Variants in PHACTR1 observed in about 807,000 individuals in gnomAD.
The protein encoded by PHACTR1 is phosphatase and actin regulator 1, also known as RPEL repeat containing 1.
Under a neutral mutation model 69.2 loss-of-function variants are expected in PHACTR1, and 16 were observed. The ratio of observed to expected loss-of-function variants is 0.23; its 90% CI spans 0.16 to 0.35. PHACTR1 has a LOEUF of 0.35. Ranked by LOEUF, PHACTR1 falls within the 10% of genes least tolerant of loss-of-function variation. The pLI is 1.00. For missense variants in PHACTR1, 510 were observed against 734.7 expected, an observed-to-expected ratio of 0.69 and a Z score of 3.54; for synonymous variants, 312 against 284.5, an observed-to-expected ratio of 1.10 and a Z score of -0.97.
In PHACTR1 at chr6:13,227,841, A is replaced by G; in HGVS notation, c.1012A>G (p.Thr338Ala). ...CTCTGAGCAGCGGGTCCCCTGTTCCACTTCTTACCACAGCTCTGGGTTGCA... is the reference window on the plus strand; with the variant it reads ...CTCTGAGCAGCGGGTCCCCTGTTCCGCTTCTTACCACAGCTCTGGGTTGCA... ...ESSEQRVPCS[T>A]SYHSSGLHSG... The change falls in exon 9 of 15, where the codon ACT becomes GCT. Residue 338 changes from threonine (T) to alanine (A), a missense_variant. Transcript: ENST00000332995. 1.9e-6 allele frequency: 3 copies of G among 1,613,938 alleles called. No individual in the cohort carries two copies. Among genetic ancestry groups the G allele is most frequent in the Non-Finnish European group, 2.5e-6 (3 of 1,179,852 alleles).
At chr6:12,954,476 C>T (rs1791647112) in intron 4 of PHACTR1, among the ~76,000 whole-genome samples, 1 of 151,864 alleles carries the variant, frequency 6.6e-6, no homozygotes, top group South Asian at 2.1e-4. Context: ...GGCTGAGGCC[C>T]TGCCACTTGA....
At position 12,851,326 on chromosome 6, in the gene PHACTR1, C is replaced by T. The variant is rs9369610; in HGVS notation, c.250+101536C>T. Among the ~76,000 whole-genome samples, 1,196 of 152,270 alleles carry T rather than the reference C, an allele frequency of 7.9e-3. 51 individuals carry two copies. In the East Asian group the frequency reaches 0.12, roughly 16 times the overall value. On this transcript the variant is annotated intron_variant, in intron 4 of 14. Transcript: ENST00000332995. ...CACAGGCGAACATTTAAATAACAAT[C>T]TGGGACATTAATAAGGGAATGCAAG... is the stretch of plus-strand genomic sequence containing the variant.
chr6:12,871,070 C>T (rs1007323343), intron 4 of PHACTR1, among the ~76,000 whole-genome samples: 1 of 151,924 alleles, frequency 6.6e-6, no homozygotes, highest in African/African-American at 2.4e-5. Context: ...TGGAAAGACC[C>T]AAATCTAATC....
chr6:13,127,599 C>T (rs184861661), intron 5 of PHACTR1, among the ~76,000 whole-genome samples: 6 of 152,182 alleles, frequency 3.9e-5, no homozygotes, highest in Admixed American at 1.3e-4. Context: ...GAAGGAAGGT[C>T]ACCAATGGTC....
chr6:13,022,616 C>T (rs544481697), intron 4 of PHACTR1, among the ~76,000 whole-genome samples: 1 of 151,556 alleles, frequency 6.6e-6, no homozygotes, highest in South Asian at 2.1e-4. Context: ...GTCACAGAGA[C>T]TAAGTTGTCA....
chr6:13,221,019 G>C (rs146563381), intron 8 of PHACTR1, among the ~76,000 whole-genome samples: 11 of 152,312 alleles, frequency 7.2e-5, no homozygotes, highest in African/African-American at 2.6e-4. Flanking sequence ...AGAGGCTATG[G>C]ATGTGCAGAG....
chr6:12,793,699 G>C (rs913482983), intron 4 of PHACTR1, among the ~76,000 whole-genome samples: 2 of 152,170 alleles, frequency 1.3e-5, no homozygotes, highest in Non-Finnish European at 2.9e-5. Flanking sequence ...AATTAGTGGT[G>C]TTTTAACCAT....
intron 4 of PHACTR1, among the ~76,000 whole-genome samples, chr6:12,836,079 A>G (rs926973434): frequency 6.6e-6 from 1 of 152,144 alleles, no homozygotes; most frequent in East Asian, 1.9e-4. Context: ...AATGGTTGCA[A>G]TGCTTTTGAA....
At chr6:12,747,179 A>G (rs556406615) in intron 3 of PHACTR1, among the ~76,000 whole-genome samples, 1 of 152,310 alleles carries the variant, frequency 6.6e-6, no homozygotes, top group East Asian at 1.9e-4. Context: ...AAGGTGGCTA[A>G]TCAGTCAAAT....
chr6:13,239,995 C>G (rs192626162), intron 10 of PHACTR1, among the ~76,000 whole-genome samples: 4 of 151,898 alleles, frequency 2.6e-5, no homozygotes, highest in Admixed American at 1.3e-4. Context: ...AAAGAGCTGC[C>G]TTTTACCCAG....
intron 4 of PHACTR1, among the ~76,000 whole-genome samples, chr6:12,757,616 A>G (rs568623968): frequency 6.6e-6 from 1 of 152,258 alleles, no homozygotes; most frequent in African/African-American, 2.4e-5. Flanking sequence ...GTCCTTGTGT[A>G]TTTGAAGATA....
chr6:13,153,758 A>C (rs1378713260), intron 5 of PHACTR1, among the ~76,000 whole-genome samples: 1 of 152,064 alleles, frequency 6.6e-6, no homozygotes, highest in Non-Finnish European at 1.5e-5. Context: ...TAGACTCCGG[A>C]TTTTTCTGTT....
At chr6:12,903,793 T>C (rs1456799889) in intron 4 of PHACTR1, among the ~76,000 whole-genome samples, 2 of 152,258 alleles carry the variant, frequency 1.3e-5, no homozygotes, top group Admixed American at 6.5e-5. Flanking sequence ...ATAAAGTCTG[T>C]GGTAAATTAA....
rs866856541 is a variant in PHACTR1, at chr6:13,234,002, A to G, written c.1391+3809A>G. Among the ~76,000 whole-genome samples, 9 of 152,376 alleles carry G rather than the reference A, an allele frequency of 5.9e-5. No individual in the cohort carries two copies. The South Asian group carries it at 1.9e-3, about 32-fold the overall frequency. On this transcript the variant is annotated intron_variant, in intron 10 of 14. Coordinates refer to ENST00000332995, the MANE Select transcript of PHACTR1 (RefSeq NM_030948.6). ...AAATTGGCAAAGTTGTACAGAGATC[A>G]GCACATCAGGCAGATAGGCCATATC... is the stretch of plus-strand genomic sequence containing the variant.
intron 3 of PHACTR1, among the ~76,000 whole-genome samples, chr6:12,725,734 C>G (rs921606900): frequency 4.6e-5 from 7 of 152,116 alleles, no homozygotes; most frequent in Non-Finnish European, 7.4e-5. Context: ...TGTGACTTAC[C>G]TCAATCACAG....
chr6:12,927,948 G>A (rs1275213482), intron 4 of PHACTR1, among the ~76,000 whole-genome samples: 1 of 152,218 alleles, frequency 6.6e-6, no homozygotes, highest in Non-Finnish European at 1.5e-5. Context: ...ATTGCTGACC[G>A]TGGGTGTCTC....
chr6:12,754,257 G>A (rs144438697), intron 4 of PHACTR1, among the ~76,000 whole-genome samples: 257 of 151,786 alleles, frequency 1.7e-3, no homozygotes, highest in African/African-American at 6.1e-3. Context: ...ACAGGTGTGA[G>A]CCAGTGCGCC....
At chr6:13,267,395 T>G (rs1395066132) in intron 10 of PHACTR1, 1 of 151,988 alleles carries the variant, frequency 6.6e-6, no homozygotes, top group Non-Finnish European at 1.5e-5. Flanking sequence ...GGGAATAGAG[T>G]CAATGCAGAA....
intron 4 of PHACTR1, among the ~76,000 whole-genome samples, chr6:13,045,268 A>G (rs2127720517): frequency 6.6e-6 from 1 of 152,276 alleles, no homozygotes; most frequent in South Asian, 2.1e-4. Flanking sequence ...CACAAGTTTA[A>G]TTTGAGGATT....
Sources: allele counts gnomAD v4.1 joint callset (sites outside exome capture counted in the v4.1 genomes callset), GRCh38; gene constraint gnomAD v4.1.1; transcripts MANE v1.5; gene names NCBI Gene and HGNC (gene_info 2026-07-23, HGNC 2026-07-21).